Variants in SLC12A6 observed in about 807,000 individuals in gnomAD.
The protein encoded by SLC12A6 is K-Cl cotransporter 3.
SLC12A6 carries 66 observed loss-of-function variants against 135.3 expected under a neutral mutation model. The ratio of observed to expected loss-of-function variants is 0.49; its 90% confidence interval spans 0.40 to 0.60. SLC12A6 has a LOEUF of 0.60. Among genes scored for constraint, SLC12A6 ranks in the 20% least tolerant of loss-of-function variants. The pLI is 0.00. For synonymous variants in SLC12A6, 513 were observed against 508.8 expected (o/e 1.01, Z -0.11); for missense variants, 1,058 against 1,452.3 (o/e 0.73, Z 4.41).
At chr15:34,318,782 G>T in intron 2 of SLC12A6, 1 of 1,580,584 alleles carries the variant, frequency 6.3e-7, no homozygotes, top group Non-Finnish European at 8.6e-7. Context: ...TGTGATCCCT[G>T]CCTACAAGAG....
intron 2 of SLC12A6, among the ~76,000 whole-genome samples, chr15:34,279,045 G>T (rs371597860): frequency 2.0e-5 from 3 of 151,922 alleles, no homozygotes; most frequent in African/African-American, 7.2e-5. Flanking sequence ...GGCTAGGAGC[G>T]GTGGCTCACA....
At chr15:34,277,526 G>A (rs1894380204) in intron 2 of SLC12A6, among the ~76,000 whole-genome samples, 1 of 151,958 alleles carries the variant, frequency 6.6e-6, no homozygotes, top group Non-Finnish European at 1.5e-5. Flanking sequence ...TAACAGTTCT[G>A]TAGTCACTCT....
rs745569165 is a variant in SLC12A6 at position 34,252,284 on chromosome 15, C to T, written c.1219G>A (p.Gly407Arg). Reference protein sequence around the residue: ...NNMTVPSKLWGFFCNSSQFFN... With the variant: ...NNMTVPSKLWRFFCNSSQFFN... Reference sequence around the variant, plus strand: ...AATTGACTCGAGTTACAGAAGAATCCCCATAACTTTGATGGGACTGTCATG... The same window carrying T: ...AATTGACTCGAGTTACAGAAGAATCTCCATAACTTTGATGGGACTGTCATG... The change falls in exon 10 of 26, where the codon GGA (glycine) becomes AGA (arginine). Residue 407 changes from glycine to arginine, a missense_variant. Around this residue, in one of 6 missense-constraint regions of SLC12A6, gnomAD observed 297 missense variants for 318.5 expected, o/e 0.93. Coordinates refer to ENST00000354181, the MANE Select transcript of SLC12A6 (RefSeq NM_001365088.1). The T allele has an allele frequency of 2.6e-5, 41 of 1,606,756 alleles. No homozygotes were observed. Among genetic ancestry groups the T allele is most frequent in the Non-Finnish European group, 3.5e-5 (41 of 1,173,502 alleles).
rs559892112 is a variant in SLC12A6, at chr15:34,238,390, C to G, written c.2644G>C (p.Val882Leu). The G allele has an allele frequency of 1.2e-5, 19 of 1,613,198 alleles. No individual in the cohort carries two copies. Among genetic ancestry groups the G allele is most frequent in the Admixed American group, 3.3e-5 (2 of 60,022 alleles). Residue 882 changes from valine to leucine, a missense_variant, in exon 21 of 26, where the codon GTG (valine) becomes CTG (leucine). This residue lies in a region of SLC12A6 where 245 missense variants were observed against 440.8 expected (regional missense o/e 0.56). Transcript: ENST00000354181. Reference sequence around the variant, plus strand: ...AGTGCAAGATGGGCAGCAGTTGTCACTCGAACTGTGCCTAGGGAGAAAAAA... The same window carrying G: ...AGTGCAAGATGGGCAGCAGTTGTCAGTCGAACTGTGCCTAGGGAGAAAAAA... Reference protein sequence around the residue: ...AWKTFIGTVRVTTAAHLALLV... With the variant: ...AWKTFIGTVRLTTAAHLALLV...
intron 2 of SLC12A6, 147 bp from the exon 3 acceptor site, chr15:34,275,536 A>G (rs1448935581): frequency 6.3e-6 from 4 of 631,204 alleles, no homozygotes; most frequent in South Asian, 1.8e-5. Context: ...AATAAAAAAT[A>G]GAATGAACTA....
Position 34,230,832 on chromosome 15 carries a change from T to G in SLC12A6, c.*3049A>C, listed in dbSNP as rs1415787650. ...AACCAGTTTTCCATGTAACAGTGATTTTGTGTTTCGGGCTGAAGCAGTGGT... is the reference window on the plus strand; with the variant it reads ...AACCAGTTTTCCATGTAACAGTGATGTTGTGTTTCGGGCTGAAGCAGTGGT... On this transcript the variant is annotated 3_prime_UTR_variant, in exon 26 of 26. Transcript: ENST00000354181. The G allele has an allele frequency of 6.6e-6, 1 of 151,928 alleles. No individual in the cohort carries two copies. The highest frequency in any genetic ancestry group is 1.5e-5 in the Non-Finnish European group (1 of 67,640). 9.4% of individuals were successfully genotyped at this position (151,928 alleles called of 1,614,324 possible).
At chr15:34,274,765 A>C (rs7167363) in intron 3 of SLC12A6, among the ~76,000 whole-genome samples, 4,152 of 152,108 alleles carry the variant, frequency 0.027, 193 homozygotes, top group African/African-American at 0.095. Context: ...GTGAGTGGAG[A>C]TCGCACCACT....
chr15:34,237,172 A>G, intron 22 of SLC12A6: 1 of 480,784 alleles, frequency 2.1e-6, no homozygotes, highest in Non-Finnish European at 3.8e-6. Flanking sequence ...AGCAGATGAG[A>G]ATCTGGCAGA....
chr15:34,264,627 T>C (rs1018617246), intron 3 of SLC12A6, among the ~76,000 whole-genome samples: 3 of 152,128 alleles, frequency 2.0e-5, no homozygotes, highest in Non-Finnish European at 2.9e-5. Context: ...AAAGGCATTT[T>C]TGAAACAAAA....
intron 3 of SLC12A6, among the ~76,000 whole-genome samples, chr15:34,274,421 TTTTAC>T (rs1894160868): frequency 6.6e-6 from 1 of 152,174 alleles, no homozygotes; most frequent in Non-Finnish European, 1.5e-5. Flanking sequence ...GAAGAGATAC[TTTTAC>T]TTTCTTTATA....
intron 2 of SLC12A6, among the ~76,000 whole-genome samples, chr15:34,316,983 C>T (rs1248769876): frequency 6.6e-6 from 1 of 152,112 alleles, no homozygotes; most frequent in African/African-American, 2.4e-5. Flanking sequence ...GAAGGTGCAG[C>T]TTCAAATACA....
intron 6 of SLC12A6, among the ~76,000 whole-genome samples, chr15:34,256,646 T>C (rs1892769271): frequency 6.6e-6 from 1 of 152,120 alleles, no homozygotes; most frequent in African/African-American, 2.4e-5. Context: ...CTAAATACAA[T>C]ATCAAGAACA....
chr15:34,309,031 CATGGTGATA>C (rs1887963938), intron 2 of SLC12A6, among the ~76,000 whole-genome samples: 1 of 152,112 alleles, frequency 6.6e-6, no homozygotes, highest in Non-Finnish European at 1.5e-5. Context: ...TCATTTTTAA[CATGGTGATA>C]ATGGTTACCT....
At chr15:34,235,964 G>GA (rs746008510) in intron 24 of SLC12A6, 51 bp downstream of exon 24, 48 of 1,378,606 alleles carry the variant, frequency 3.5e-5, no homozygotes, top group East Asian at 2.1e-4. Flanking sequence ...AGTCACATTT[G>GA]TGCCACTGAT....
intron 5 of SLC12A6, among the ~76,000 whole-genome samples, chr15:34,258,227 C>T (rs2140751777): frequency 6.6e-6 from 1 of 152,224 alleles, no homozygotes; most frequent in Non-Finnish European, 1.5e-5. Flanking sequence ...CCGTTTTATC[C>T]CTTTTTGAAA....
intron 12 of SLC12A6, 68 bp from the exon 13 acceptor site, chr15:34,250,423 TAG>T (rs1892309575): frequency 2.0e-6 from 2 of 1,013,620 alleles, no homozygotes; most frequent in African/African-American, 3.2e-5. Context: ...AGACACTCAG[TAG>T]ACACTTTCTT....
At chr15:34,300,955 T>A (rs1259414385) in intron 2 of SLC12A6, among the ~76,000 whole-genome samples, 1 of 152,094 alleles carries the variant, frequency 6.6e-6, no homozygotes, top group Admixed American at 6.5e-5. Flanking sequence ...TCATGTAACA[T>A]TTATAAAATG....
chr15:34,261,067 CGAA>C (rs781446377), intron 3 of SLC12A6, 47 bp from the exon 4 acceptor site: 2 of 947,790 alleles, frequency 2.1e-6, no homozygotes, highest in African/African-American at 3.2e-5. Flanking sequence ...TGGTTTCTGA[CGAA>C]GAAACATCAG....
chr15:34,282,919 C>T (rs917806922), intron 2 of SLC12A6, among the ~76,000 whole-genome samples: 7 of 152,180 alleles, frequency 4.6e-5, no homozygotes, highest in Non-Finnish European at 7.3e-5. Flanking sequence ...AAACTTCATT[C>T]GTTCAACCAT....
Sources: gnomAD v4.1 joint callset for allele counts (sites outside exome capture counted in the v4.1 genomes callset) on GRCh38, gnomAD v4.1.1 for gene constraint, gnomAD v4.1.1 regional missense constraint, MANE v1.5 for transcripts, NCBI Gene and HGNC (gene_info 2026-07-23, HGNC 2026-07-21) for gene names.